PLB1: variants seen among roughly 807,000 people sequenced by gnomAD.
PLB1 encodes the protein phospholipase B1, membrane-associated.
Under a neutral mutation model 227.4 loss-of-function variants are expected in PLB1, and 242 were observed. The observed-to-expected ratio is 1.06, with a 90% CI of 0.96 to 1.18. The LOEUF (loss-of-function observed/expected upper bound fraction) is 1.18. Ranked by LOEUF, PLB1 falls within the 50% of genes most tolerant of loss-of-function variation. The pLI, the probability that PLB1 is intolerant of heterozygous loss-of-function variation, is 0.00. For missense variants in PLB1, 1,858 were observed against 1,816.3 expected, an observed-to-expected ratio of 1.02 and a Z score of -0.42; for synonymous variants, 757 against 682.2, an observed-to-expected ratio of 1.11 and a Z score of -1.71.
intron 29 of PLB1, 138 bp from the exon 30 acceptor site, chr2:28,590,995 C>A: frequency 9.6e-7 from 1 of 1,037,258 alleles, no homozygotes; most frequent in Non-Finnish European, 1.5e-6. Flanking sequence ...GGGAGGGAGT[C>A]AGCCTGGTAG....
intron 21 of PLB1, among the ~76,000 whole-genome samples, chr2:28,575,857 A>T (rs372371614): frequency 6.6e-6 from 1 of 152,146 alleles, no homozygotes; most frequent in African/African-American, 2.4e-5. Flanking sequence ...AGCAGGCCCA[A>T]TATGTTTTAT....
chr2:28,604,644 T>C lies in PLB1; in HGVS notation c.2857-11T>C, dbSNP rs781482974. 5 of 1,612,482 alleles carry C rather than the reference T, an allele frequency of 3.1e-6. No individual in the cohort carries two copies. In the East Asian group the frequency reaches 6.7e-5, roughly 22 times the overall value. On this transcript the variant is annotated splice_polypyrimidine_tract_variant and intron_variant, in intron 40 of 57. Transcript: ENST00000327757. The stretch of plus-strand genomic sequence containing the variant: ...GGGCCTGGGCTGAAGACCCTGTGCA[T>C]GTGTCCCCAGAGCAGCATGCGCGAG...
intron 1 of PLB1, among the ~76,000 whole-genome samples, chr2:28,513,542 G>C (rs567657774): frequency 6.6e-6 from 1 of 152,212 alleles, no homozygotes; most frequent in East Asian, 1.9e-4. Flanking sequence ...TTTGACAAAT[G>C]CTTCAAGGAT....
chr2:28,621,292 C>T (rs1687021286), intron 49 of PLB1, among the ~76,000 whole-genome samples: 1 of 152,176 alleles, frequency 6.6e-6, no homozygotes, highest in East Asian at 1.9e-4. Flanking sequence ...AGGAGGCGCA[C>T]ATCTGCCCTG....
At chr2:28,549,834 G>A (rs1306096629) in intron 15 of PLB1, among the ~76,000 whole-genome samples, 176 bp from the exon 16 acceptor site, 3 of 152,144 alleles carry the variant, frequency 2.0e-5, no homozygotes, top group Non-Finnish European at 4.4e-5. Context: ...AAATGTCAAC[G>A]CATTCATGAG....
intron 21 of PLB1, among the ~76,000 whole-genome samples, 193 bp from the exon 22 acceptor site, chr2:28,577,914 A>T (rs545354758): frequency 6.6e-6 from 1 of 152,336 alleles, no homozygotes; most frequent in South Asian, 2.1e-4. Flanking sequence ...CTTCCCAAGC[A>T]CAGTCACCAC....
rs60393903 is a variant in PLB1, at chr2:28,562,540, CAAAA to C, written c.1148-485_1148-482del. The stretch of plus-strand genomic sequence containing the variant: ...CTGGAGACAGAGCAAGACTCTGTCT[CAAAA>C]AAAAAAAAAAAAAAAGTCAGTGGCA... On this transcript the variant is annotated intron_variant, in intron 17 of 57. Coordinates refer to ENST00000327757, the MANE Select transcript of PLB1 (RefSeq NM_153021.5). 5.7e-3 allele frequency among the ~76,000 whole-genome samples: 242 copies of C among 42,608 alleles called. 13 individuals carry two copies. The highest frequency in any genetic ancestry group is 0.025 in the African/African-American group (225 of 9,018). The allele number at this position is 42,608 out of a possible 152,430, so 28.0% of individuals were successfully genotyped here.
rs10618292 is a variant in PLB1 at position 28,559,740 on chromosome 2, C to CTT, written c.1148-3273_1148-3272dup. Among the ~76,000 whole-genome samples the CTT allele has an allele frequency of 3.4e-3, 225 of 66,244 alleles. 25 individuals are homozygous for CTT. Among genetic ancestry groups the CTT allele is most frequent in the African/African-American group, 4.9e-3 (73 of 14,934 alleles). 43.5% of individuals were successfully genotyped at this position (66,244 alleles called of 152,430 possible). ...CTGTGTTTCACTGCAGGCCTGAAAGCTTTTTTTTTTTTTTTTTTTTTTTTT... is the reference window on the plus strand; with the variant it reads ...CTGTGTTTCACTGCAGGCCTGAAAGCTTTTTTTTTTTTTTTTTTTTTTTTTTT... On this transcript the variant is annotated intron_variant, in intron 17 of 57. Transcript: ENST00000327757.
At chr2:28,585,608 T>G in intron 25 of PLB1, 153 bp from the exon 26 acceptor site, 1 of 654,670 alleles carries the variant, frequency 1.5e-6, no homozygotes, top group Non-Finnish European at 2.7e-6. Context: ...TTTGGTATGG[T>G]CAGCAGGTCA....
At chr2:28,634,490 C>G (rs913892507) in intron 56 of PLB1, among the ~76,000 whole-genome samples, 1 of 152,164 alleles carries the variant, frequency 6.6e-6, no homozygotes, top group African/African-American at 2.4e-5. Flanking sequence ...TATGGCCTTC[C>G]TACCAGGTGG....
chr2:28,582,110 G>A lies in PLB1; in HGVS notation c.1609G>A (p.Ala537Thr). The stretch of plus-strand genomic sequence containing the variant: ...GAACTTCACAGACAACATTGGAAAG[G>A]CCCTGGACATCCTCCATGCTGAGGT... Reference protein sequence around the residue: ...PQNFTDNIGKALDILHAEVPR... With the variant: ...PQNFTDNIGKTLDILHAEVPR... The change falls in exon 24 of 58, where the codon GCC becomes ACC. Residue 537 changes from alanine to threonine, a missense_variant. Ala to Thr is a moderately conservative substitution (Grantham distance 58, BLOSUM62 0). Transcript: ENST00000327757. 6.2e-7 allele frequency: 1 copy of A among 1,614,064 alleles called. No individual in the cohort carries two copies. The highest frequency in any genetic ancestry group is 8.5e-7 in the Non-Finnish European group (1 of 1,179,916).
At chr2:28,549,412 CTTTTT>C (rs746205635) in intron 15 of PLB1, among the ~76,000 whole-genome samples, 40 of 87,298 alleles carry the variant, frequency 4.6e-4, no homozygotes, top group African/African-American at 1.6e-3. Flanking sequence ...GAGATTCTTT[CTTTTT>C]TTTTTTTTTT....
intron 25 of PLB1, among the ~76,000 whole-genome samples, chr2:28,583,059 G>C (rs1680315832): frequency 6.6e-6 from 1 of 152,184 alleles, no homozygotes; most frequent in African/African-American, 2.4e-5. Context: ...CCCTGGTCCT[G>C]AGAAGGTGCC....
At chr2:28,637,924 G>A (rs546686091) in intron 56 of PLB1, among the ~76,000 whole-genome samples, 3 of 152,284 alleles carry the variant, frequency 2.0e-5, no homozygotes, top group African/African-American at 7.2e-5. Flanking sequence ...CCTGGCTTAG[G>A]AAAGACTGGT....
intron 32 of PLB1, among the ~76,000 whole-genome samples, chr2:28,593,030 G>A (rs138320192): frequency 0.065 from 9,873 of 152,072 alleles, 437 homozygotes; most frequent in Non-Finnish European, 0.086. Flanking sequence ...TCCCTGTGCG[G>A]GCGCTCTTTT....
chr2:28,625,998 CTTTT>C (rs774136235), intron 50 of PLB1, among the ~76,000 whole-genome samples: 1 of 137,066 alleles, frequency 7.3e-6, no homozygotes, highest in Admixed American at 7.3e-5. Flanking sequence ...TGTTGCTTTT[CTTTT>C]TTTTTTTTTT....
chr2:28,564,181 G>C (rs1256806451), intron 18 of PLB1, among the ~76,000 whole-genome samples: 1 of 152,218 alleles, frequency 6.6e-6, no homozygotes, highest in Non-Finnish European at 1.5e-5. Context: ...TTTCGAGGCT[G>C]CAATGAGCCA....
chr2:28,585,308 C>T (rs1680723047), intron 25 of PLB1, among the ~76,000 whole-genome samples: 1 of 151,580 alleles, frequency 6.6e-6, no homozygotes, highest in Admixed American at 6.6e-5. Flanking sequence ...CAGAGTCTCG[C>T]TCTGTTGCCC....
At chr2:28,603,386 T>C (rs1443021658) in intron 39 of PLB1, among the ~76,000 whole-genome samples, 1 of 152,238 alleles carries the variant, frequency 6.6e-6, no homozygotes, top group East Asian at 1.9e-4. Context: ...TACATGGATG[T>C]GTGTTTTATT....
Sources: allele counts gnomAD v4.1 joint callset (sites outside exome capture counted in the v4.1 genomes callset), GRCh38; gene constraint gnomAD v4.1.1; transcripts MANE v1.5; gene names NCBI Gene and HGNC (gene_info 2026-07-23, HGNC 2026-07-21).